The following MYZAP variants were observed in gnomAD, a reference collection of about 807,000 sequenced individuals.
The protein encoded by MYZAP is myocardial zonula adherens protein.
A neutral mutation model predicts 69.4 loss-of-function variants in MYZAP; 66 were observed. The observed-to-expected ratio is 0.95, with a 90% CI of 0.78 to 1.17. The LOEUF is 1.17. Among genes scored for constraint, MYZAP ranks in the 50% most tolerant of loss-of-function variants. The pLI, the probability that MYZAP is intolerant of heterozygous loss-of-function variation, is 0.00. For missense variants in MYZAP, 611 were observed against 556.2 expected, an observed-to-expected ratio of 1.10 and a Z score of -0.99; for synonymous variants, 256 against 205.9, an observed-to-expected ratio of 1.24 and a Z score of -2.09.
chr15:57,622,811 A>G (rs377489787), intron 4 of MYZAP, among the ~76,000 whole-genome samples: 6 of 152,340 alleles, frequency 3.9e-5, no homozygotes, highest in Admixed American at 1.3e-4. Context: ...GCCTTTTCTT[A>G]TTATGATATA....
At chr15:57,649,946 G>A (rs2037643242) in intron 10 of MYZAP, among the ~76,000 whole-genome samples, 2 of 152,272 alleles carry the variant, frequency 1.3e-5, no homozygotes, top group South Asian at 4.1e-4. Context: ...CCACTAGAAT[G>A]TAAGTCCCAT....
Position 57,636,859 on chromosome 15 carries a change from G to T in MYZAP, c.934-836G>T, listed in dbSNP as rs545924846. On this transcript the variant is annotated intron_variant, in intron 8 of 12. Coordinates refer to ENST00000267853, the MANE Select transcript of MYZAP (RefSeq NM_001018100.5). ...ATAGCAAATTTCCACAAGGTTAGTG[G>T]CTTAAAACAACACAAATGTATTATG... 2.0e-5 allele frequency among the ~76,000 whole-genome samples: 3 copies of T among 152,284 alleles called. No homozygotes were observed. In the East Asian group the frequency reaches 5.8e-4, roughly 29 times the overall value.
chr15:57,670,402 A>G (rs1174173524), intron 11 of MYZAP, among the ~76,000 whole-genome samples: 2 of 152,004 alleles, frequency 1.3e-5, no homozygotes, highest in Non-Finnish European at 2.9e-5. Context: ...GAATGTAGCC[A>G]TTTTTACCCT....
chr15:57,635,964 TA>T (rs1446356242), intron 8 of MYZAP, among the ~76,000 whole-genome samples: 1 of 152,218 alleles, frequency 6.6e-6, no homozygotes, highest in Non-Finnish European at 1.5e-5. Context: ...GGGGAACAGA[TA>T]ATAGTCTATG....
At chr15:57,651,433 C>G (rs1004313714) in intron 10 of MYZAP, among the ~76,000 whole-genome samples, 2 of 152,146 alleles carry the variant, frequency 1.3e-5, no homozygotes, top group Non-Finnish European at 2.9e-5. Flanking sequence ...AGAATTAGGG[C>G]CCCAGCAGAT....
intron 10 of MYZAP, among the ~76,000 whole-genome samples, chr15:57,649,630 A>G (rs572682047): frequency 6.6e-6 from 1 of 152,256 alleles, no homozygotes; most frequent in South Asian, 2.1e-4. Context: ...TTTGGGTGCC[A>G]TTATCTTCTC....
chr15:57,593,188 G>GCATGCGCGCGCGCGCGCGCGCGCGCA, intron 1 of MYZAP, among the ~76,000 whole-genome samples: 1 of 114,148 alleles, frequency 8.8e-6, no homozygotes, highest in African/African-American at 3.4e-5. Flanking sequence ...GTACACAGGC[G>GCATGCGCGCGCGCGCGCGCGCGCGCA]CACACACACA....
intron 3 of MYZAP, 95 bp from the exon 4 acceptor site, chr15:57,621,513 G>A: frequency 2.1e-6 from 3 of 1,432,396 alleles, no homozygotes; most frequent in Non-Finnish European, 2.8e-6. Context: ...CACCTGGCCG[G>A]GGTCCTTCTT....
intron 2 of MYZAP, among the ~76,000 whole-genome samples, chr15:57,610,877 T>C (rs2035064349): frequency 6.6e-6 from 1 of 152,126 alleles, no homozygotes; most frequent in Non-Finnish European, 1.5e-5. Flanking sequence ...TCTGAGACTT[T>C]GTGATTCACT....
At chr15:57,597,943 A>G (rs1292528485) in intron 1 of MYZAP, among the ~76,000 whole-genome samples, 1 of 152,104 alleles carries the variant, frequency 6.6e-6, no homozygotes, top group African/African-American at 2.4e-5. Context: ...ACCTTTTATC[A>G]TTAAGGGGAG....
At chr15:57,678,041 C>CAAAAAAAA (rs56102709) in intron 12 of MYZAP, among the ~76,000 whole-genome samples, 58 of 116,220 alleles carry the variant, frequency 5.0e-4, no homozygotes, top group African/African-American at 2.0e-3. Flanking sequence ...TTATCTCTAC[C>CAAAAAAAA]AAAAAAAAAA....
chr15:57,610,210 AGT>A (rs2035016230), intron 2 of MYZAP, among the ~76,000 whole-genome samples: 1 of 152,178 alleles, frequency 6.6e-6, no homozygotes. Context: ...GAGAATGCTG[AGT>A]GAGAGAGAGA....
At chr15:57,661,634 G>A (rs1382063251) in intron 11 of MYZAP, 101 bp downstream of exon 11, 21 of 1,060,952 alleles carry the variant, frequency 2.0e-5, no homozygotes, top group South Asian at 5.2e-5. Context: ...GCTATTTCCC[G>A]GCCTTATAAA....
chr15:57,632,353 C>T (rs764543483), intron 6 of MYZAP, 81 bp from the exon 7 acceptor site: 176 of 1,590,604 alleles, frequency 1.1e-4, no homozygotes, highest in Non-Finnish European at 1.4e-4. Flanking sequence ...TCTGTGAGTC[C>T]CCACATGAAA....
At chr15:57,638,840 G>T (rs145178420) in intron 9 of MYZAP, among the ~76,000 whole-genome samples, 2 of 152,236 alleles carry the variant, frequency 1.3e-5, no homozygotes, top group African/African-American at 4.8e-5. Flanking sequence ...TTATTGTGTT[G>T]CTGGACCCCT....
intron 2 of MYZAP, among the ~76,000 whole-genome samples, chr15:57,608,847 T>C (rs2034924742): frequency 6.6e-6 from 1 of 152,192 alleles, no homozygotes; most frequent in African/African-American, 2.4e-5. Context: ...TCCTTCCTCA[T>C]AACCCTTGCT....
intron 2 of MYZAP, among the ~76,000 whole-genome samples, chr15:57,616,836 T>TTTTTTTTTTTTTTTG (rs2035493151): frequency 7.1e-6 from 1 of 140,032 alleles, no homozygotes; most frequent in African/African-American, 2.7e-5. Flanking sequence ...TTTTTTTTTT[T>TTTTTTTTTTTTTTTG]TTTTTTTTTT....
chr15:57,599,439 G>T, intron 1 of MYZAP: 1 of 1,150,780 alleles, frequency 8.7e-7, no homozygotes, highest in Non-Finnish European at 1.1e-6. Context: ...GAGTAATAAA[G>T]TATGCTGAGT....
intron 10 of MYZAP, among the ~76,000 whole-genome samples, chr15:57,660,360 G>A (rs534405675): frequency 1.1e-4 from 16 of 152,228 alleles, no homozygotes; most frequent in South Asian, 6.2e-4. Context: ...TGTCACCCAG[G>A]CTAGGGTGCA....
Sources: gnomAD v4.1 joint callset for allele counts (sites outside exome capture counted in the v4.1 genomes callset) on GRCh38, gnomAD v4.1.1 for gene constraint, MANE v1.5 for transcripts, NCBI Gene and HGNC (gene_info 2026-07-23, HGNC 2026-07-21) for gene names.